Variants in LINGO3 observed in about 807,000 individuals in gnomAD.
LINGO3 encodes leucine-rich repeat and immunoglobulin-like domain-containing nogo receptor-interacting protein 3.
For synonymous variants in LINGO3, 427 were observed against 444.2 expected, an observed-to-expected ratio of 0.96 and a Z score of 0.49; for missense variants, 750 against 867.7, an observed-to-expected ratio of 0.86 and a Z score of 1.70.
At chr19:2,308,006 G>A in the LINGO3 span, among the ~76,000 whole-genome samples, 1 of 151,722 alleles carries the variant, frequency 6.6e-6, no homozygotes, top group Admixed American at 6.6e-5. Context: ...CGGCAGGGTC[G>A]CAGGGTGCAG....
rs938416888 is a variant in LINGO3 at position 2,290,340 on chromosome 19, C to T, written c.1437G>A (p.Thr479=). Residue 479 remains threonine, a synonymous_variant, in exon 1 of 1, where the codon ACG becomes ACA. Coordinates refer to ENST00000585527, the Ensembl canonical transcript of LINGO3. The surrounding 1 kb of genome is among the most constrained non-coding windows in gnomAD (Gnocchi z 6.0). ...TGCCGCCCGCGTTGCTGGCCACGCA[C>T]GTGTAGGTGCCGCTGTCCTGCGGCC... is the stretch of plus-strand genomic sequence containing the variant. 10 of 1,534,734 alleles carry T rather than the reference C, an allele frequency of 6.5e-6. No individual in the cohort carries two copies. The African/African-American group carries it at 1.1e-4, about 17-fold the overall frequency.
upstream of LINGO3, among the ~76,000 whole-genome samples, chr19:2,295,610 C>T (rs2025565347): frequency 6.6e-6 from 1 of 152,144 alleles, no homozygotes; most frequent in South Asian, 2.1e-4. Context: ...GTGATGGGCG[C>T]CTGTAATCCC....
the LINGO3 span, among the ~76,000 whole-genome samples, chr19:2,299,579 A>G: frequency 6.6e-6 from 1 of 150,404 alleles, no homozygotes; most frequent in Non-Finnish European, 1.5e-5. Context: ...GCCCACCACT[A>G]TGCCCGGCTA....
chr19:2,294,575 G>A (rs550638940), upstream of LINGO3, among the ~76,000 whole-genome samples: 12 of 152,134 alleles, frequency 7.9e-5, no homozygotes, highest in East Asian at 1.4e-3. The surrounding 1 kb of genome is among the most constrained non-coding windows in gnomAD (Gnocchi z 4.3). Context: ...GAGGTGTGGC[G>A]GGAGTCTGGT....
chr19:2,289,024 G>A (rs193268254), downstream of LINGO3, among the ~76,000 whole-genome samples: 6 of 151,760 alleles, frequency 4.0e-5, no homozygotes, highest in Admixed American at 2.6e-4. Flanking sequence ...TGTTCTGGGT[G>A]TGAGCTGTGT....
At chr19:2,307,344 G>T in the LINGO3 span, among the ~76,000 whole-genome samples, 37 of 152,188 alleles carry the variant, frequency 2.4e-4, no homozygotes, top group Non-Finnish European at 5.4e-4. Flanking sequence ...CAGTTACATG[G>T]TGGTCTCCAG....
chr19:2,293,540 A>C (rs2025546111), upstream of LINGO3, among the ~76,000 whole-genome samples: 1 of 148,900 alleles, frequency 6.7e-6, no homozygotes, highest in African/African-American at 2.5e-5. Context: ...TTGTAGTTTT[A>C]GTACAGATGG....
chr19:2,292,628 T>C (rs997252211), upstream of LINGO3, among the ~76,000 whole-genome samples: 1 of 151,496 alleles, frequency 6.6e-6, no homozygotes. Flanking sequence ...TAGCTGGGAT[T>C]ACAGGTGCCC....
At chr19:2,302,512 C>G in the LINGO3 span, among the ~76,000 whole-genome samples, 6 of 152,252 alleles carry the variant, frequency 3.9e-5, no homozygotes, top group African/African-American at 1.4e-4. Flanking sequence ...CGTCCACAGG[C>G]GCGAAGCCGG....
the LINGO3 span, among the ~76,000 whole-genome samples, chr19:2,299,431 AT>A: frequency 9.4e-5 from 14 of 148,596 alleles, no homozygotes; most frequent in South Asian, 2.1e-4. Flanking sequence ...ATTTTATTTT[AT>A]TTTTTTTTTG....
the LINGO3 span, among the ~76,000 whole-genome samples, chr19:2,306,391 G>A: frequency 3.3e-5 from 5 of 152,204 alleles, no homozygotes; most frequent in Middle Eastern, 3.2e-3. Context: ...AACTTTGCTC[G>A]CAGAGTTCTT....
In LINGO3 at chr19:2,291,660, G is replaced by C; in HGVS notation, c.117C>G (p.Ala39=). ...CGGCGGTCAGGCGGCGGCGCGTGCAGGCCACCGCGCGGGTCTGCACGGTGC... is the reference window on the plus strand; with the variant it reads ...CGGCGGTCAGGCGGCGGCGCGTGCACGCCACCGCGCGGGTCTGCACGGTGC... Residue 39 remains alanine, a synonymous_variant, in exon 1 of 1, where the codon GCC becomes GCG. Transcript: ENST00000585527. 4 of 1,395,538 alleles carry C rather than the reference G, an allele frequency of 2.9e-6. No individual in the cohort carries two copies. The South Asian group carries it at 4.7e-5, about 16-fold the overall frequency. 86.4% of individuals were successfully genotyped at this position (1,395,538 alleles called of 1,614,324 possible). A position where few individuals can be genotyped will look rare whatever the true frequency, so the allele number is the denominator to read the frequency against.
At chr19:2,297,016 C>T (rs535700800), upstream of LINGO3, among the ~76,000 whole-genome samples, 33 of 151,184 alleles carry the variant, frequency 2.2e-4, no homozygotes, top group South Asian at 4.2e-4. Context: ...GGCGTGAACC[C>T]GGGAGGCGGA....
At chr19:2,296,188 T>G (rs993950321), upstream of LINGO3, among the ~76,000 whole-genome samples, 17 of 152,002 alleles carry the variant, frequency 1.1e-4, no homozygotes, top group Non-Finnish European at 2.2e-4. Context: ...GGGACAAGAG[T>G]GCTAGGGCGG....
exon 1 of LINGO3, chr19:2,291,230 G>C: frequency 1.2e-6 from 2 of 1,611,394 alleles, no homozygotes; most frequent in Non-Finnish European, 1.7e-6. Context: ...AGGTTGCAGC[G>C]CTCCAGGGTC....
chr19:2,287,541 C>T (rs567817037), downstream of LINGO3, among the ~76,000 whole-genome samples: 4 of 152,320 alleles, frequency 2.6e-5, no homozygotes, highest in East Asian at 1.9e-4. This position sits in a 1 kb window ranked among gnomAD's most constrained non-coding sequence, Gnocchi z 4.5. Flanking sequence ...TGGCCTGGGC[C>T]CTCCCGGCCA....
At chr19:2,303,375 C>T in the LINGO3 span, among the ~76,000 whole-genome samples, 10 of 151,402 alleles carry the variant, frequency 6.6e-5, no homozygotes, top group African/African-American at 1.5e-4. Context: ...GGGTCTGTTC[C>T]GGGCTGTGGC....
the LINGO3 span, among the ~76,000 whole-genome samples, chr19:2,302,164 C>T: frequency 2.0e-5 from 3 of 146,954 alleles, no homozygotes; most frequent in South Asian, 2.2e-4. Context: ...CGGGTTAAAG[C>T]GATTCTCCTG....
chr19:2,297,146 G>A, the LINGO3 span, among the ~76,000 whole-genome samples: 2 of 151,738 alleles, frequency 1.3e-5, no homozygotes, highest in Non-Finnish European at 2.9e-5. Flanking sequence ...GCTCTCAGGC[G>A]AGAAACATCC....
Sources: allele counts gnomAD v4.1 joint callset (sites outside exome capture counted in the v4.1 genomes callset), GRCh38; gene constraint gnomAD v4.1.1; non-coding constraint Gnocchi (gnomAD v3.1); transcripts MANE v1.5; gene names NCBI Gene and HGNC (gene_info 2026-07-23, HGNC 2026-07-21).